The following CYP2C19 variants were observed in gnomAD, a reference collection of about 807,000 sequenced individuals.
CYP2C19 encodes cytochrome P450 2C19.
A neutral mutation model predicts 40.9 loss-of-function variants in CYP2C19; 59 were observed. The observed-to-expected ratio is 1.44, with a 90% CI of 1.17 to 1.79. The LOEUF (loss-of-function observed/expected upper bound fraction) is 1.79, where lower values mean the gene tolerates loss of function less well. Ranked by LOEUF, CYP2C19 falls within the 40% of genes most tolerant of loss-of-function variation. The probability of loss-of-function intolerance (pLI) is 0.00; values close to 1 mark genes in which losing one functional copy is unlikely to be tolerated. For missense variants in CYP2C19, 754 were observed against 596.9 expected, an observed-to-expected ratio of 1.26 and a Z score of -2.74; for synonymous variants, 253 against 208.7, an observed-to-expected ratio of 1.21 and a Z score of -1.83.
At chr10:94,830,243 C>T (rs1482382330) in intron 6 of CYP2C19, among the ~76,000 whole-genome samples, 1 of 152,232 alleles carries the variant, frequency 6.6e-6, no homozygotes, top group Admixed American at 6.5e-5. Context: ...GGCGGGCGCC[C>T]CTCCCCCAGC....
intron 5 of CYP2C19, among the ~76,000 whole-genome samples, chr10:94,784,337 T>C (rs1848514875): frequency 6.6e-6 from 1 of 152,162 alleles, no homozygotes; most frequent in South Asian, 2.1e-4. Context: ...TTGGCTCTTA[T>C]AGATAATCTT....
intron 7 of CYP2C19, among the ~76,000 whole-genome samples, chr10:94,848,482 CT>C (rs1370015217): frequency 6.6e-6 from 1 of 152,124 alleles, no homozygotes; most frequent in Non-Finnish European, 1.5e-5. Context: ...TTACTGTAGC[CT>C]TGTAGTATAG....
chr10:94,769,382 C>G (rs569464400), intron 1 of CYP2C19, among the ~76,000 whole-genome samples: 1 of 152,122 alleles, frequency 6.6e-6, no homozygotes, highest in Non-Finnish European at 1.5e-5. Context: ...TAAGTTGGGA[C>G]GTGTGGTCTG....
chr10:94,790,816 T>G (rs893029728), intron 5 of CYP2C19, among the ~76,000 whole-genome samples: 1 of 152,138 alleles, frequency 6.6e-6, no homozygotes, highest in African/African-American at 2.4e-5. Context: ...TCAGGGATAT[T>G]GGTCTAAAAT....
At chr10:94,780,363 A>G in intron 3 of CYP2C19, 136 bp from the exon 4 acceptor site, 1 of 1,133,008 alleles carries the variant, frequency 8.8e-7, no homozygotes, top group Non-Finnish European at 1.2e-6. Context: ...TGCATGCCAA[A>G]CTCTTTTTTG....
chr10:94,841,723 A>T (rs1481108783), intron 6 of CYP2C19, among the ~76,000 whole-genome samples: 3 of 152,006 alleles, frequency 2.0e-5, no homozygotes, highest in African/African-American at 7.3e-5. Flanking sequence ...AAATTTCTGA[A>T]TTTCCTTTTT....
rs560378757 is a variant in CYP2C19 at position 94,822,370 on chromosome 10, CAT to C, written c.961+1734_961+1735del. Among the ~76,000 whole-genome samples the C allele has an allele frequency of 3.1e-3, 475 of 152,276 alleles. 3 individuals carry two copies. The highest frequency in any genetic ancestry group is 0.011 in the African/African-American group (448 of 41,562). On this transcript the variant is annotated intron_variant, in intron 6 of 8. Transcript: ENST00000371321. ...ATGTCCCATTGAGTCCCTCCCATGA[CAT>C]GTGGGAATTATGGGAGCCAAAGTCC... is the stretch of plus-strand genomic sequence containing the variant.
intron 5 of CYP2C19, among the ~76,000 whole-genome samples, chr10:94,805,704 T>G (rs184446124): frequency 1.4e-4 from 21 of 152,266 alleles, no homozygotes; most frequent in Admixed American, 1.2e-3. Flanking sequence ...GGCAACATGG[T>G]GAAACCCTGT....
rs182214673 is a variant in CYP2C19, at chr10:94,849,333, A to T, written c.1150-584A>T. Reference sequence around the variant, plus strand: ...TTGTGGGCATTTTATTTATTTATTTATTTATTTTTTTCATCAGCAGATTTT... The same window carrying T: ...TTGTGGGCATTTTATTTATTTATTTTTTTATTTTTTTCATCAGCAGATTTT... On this transcript the variant is annotated intron_variant, in intron 7 of 8. Transcript: ENST00000371321. Among the ~76,000 whole-genome samples the T allele has an allele frequency of 2.0e-3, 307 of 151,364 alleles. 5 individuals carry two copies. In the East Asian group the frequency reaches 0.035, roughly 17 times the overall value.
chr10:94,838,574 G>T (rs1056204107), intron 6 of CYP2C19, among the ~76,000 whole-genome samples: 11 of 151,960 alleles, frequency 7.2e-5, no homozygotes, highest in Admixed American at 5.2e-4. Context: ...GCTTGGAGGG[G>T]GCATAATCAG....
intron 5 of CYP2C19, among the ~76,000 whole-genome samples, chr10:94,815,913 G>T (rs1447448251): frequency 2.6e-5 from 4 of 152,142 alleles, no homozygotes; most frequent in Non-Finnish European, 5.9e-5. Context: ...GCAGACTCTT[G>T]TTTCAGGCTC....
At chr10:94,816,244 CT>C (rs535862340) in intron 5 of CYP2C19, among the ~76,000 whole-genome samples, 2,639 of 143,406 alleles carry the variant, frequency 0.018, 45 homozygotes, top group East Asian at 0.075. Context: ...TTTTTTCTTT[CT>C]TTTTTTTTTT....
intron 5 of CYP2C19, among the ~76,000 whole-genome samples, chr10:94,795,426 C>T (rs984259152): frequency 1.3e-5 from 2 of 151,852 alleles, no homozygotes; most frequent in Non-Finnish European, 2.9e-5. Context: ...GGGTTGGTTC[C>T]AAGTCTTTGC....
intron 3 of CYP2C19, among the ~76,000 whole-genome samples, chr10:94,780,186 C>G (rs1848462103): frequency 6.6e-6 from 1 of 152,114 alleles, no homozygotes; most frequent in Non-Finnish European, 1.5e-5. Flanking sequence ...ATGTGATTCC[C>G]TCTGAAACTT....
intron 5 of CYP2C19, among the ~76,000 whole-genome samples, chr10:94,815,186 A>C (rs1245972643): frequency 2.6e-5 from 4 of 151,060 alleles, no homozygotes; most frequent in Non-Finnish European, 5.9e-5. Context: ...TGTTCTTCTT[A>C]CTTAAGAGTA....
intron 1 of CYP2C19, among the ~76,000 whole-genome samples, chr10:94,771,856 A>G (rs1848337981): frequency 6.6e-6 from 1 of 152,120 alleles, no homozygotes; most frequent in African/African-American, 2.4e-5. Context: ...CAGCAGCAGA[A>G]ACACTAGTTT....
chr10:94,788,384 G>A (rs557134888), intron 5 of CYP2C19, among the ~76,000 whole-genome samples: 14 of 152,082 alleles, frequency 9.2e-5, no homozygotes, highest in Non-Finnish European at 1.5e-4. Flanking sequence ...GACAGTAGAA[G>A]GATGGGTATT....
intron 5 of CYP2C19, among the ~76,000 whole-genome samples, chr10:94,801,972 A>G (rs910313666): frequency 7.9e-5 from 12 of 152,180 alleles, no homozygotes; most frequent in African/African-American, 1.9e-4. Flanking sequence ...AGAGCGAAAG[A>G]ACAAAGCTTT....
chr10:94,796,789 CTCTG>C (rs766830739), intron 5 of CYP2C19, among the ~76,000 whole-genome samples: 5 of 151,642 alleles, frequency 3.3e-5, no homozygotes, highest in Admixed American at 6.6e-5. Context: ...TGTTTTGGCT[CTCTG>C]TCTGTTATTG....
Sources: allele counts gnomAD v4.1 joint callset (sites outside exome capture counted in the v4.1 genomes callset), GRCh38; gene constraint gnomAD v4.1.1; transcripts MANE v1.5; gene names NCBI Gene and HGNC (gene_info 2026-07-23, HGNC 2026-07-21).